DLGAP1: variants seen among roughly 807,000 people sequenced by gnomAD.
The protein encoded by DLGAP1 is DLG associated protein 1, also known as disks large-associated protein 1.
In DLGAP1, 11 loss-of-function variants were observed where a neutral mutation model predicts 90.8. The ratio of observed to expected loss-of-function variants is 0.12; its 90% CI spans 0.08 to 0.20. DLGAP1 has a LOEUF of 0.20. DLGAP1 is among the 10% of genes least tolerant of loss of function. The pLI, the probability that DLGAP1 is intolerant of heterozygous loss-of-function variation, is 1.00. For missense variants in DLGAP1, 1,050 were observed against 1,333.8 expected (o/e 0.79, Z 3.31); for synonymous variants, 558 against 540.7 (o/e 1.03, Z -0.44).
chr18:4,055,213 C>A (rs982905131), intron 2 of DLGAP1, among the ~76,000 whole-genome samples: 1 of 152,166 alleles, frequency 6.6e-6, no homozygotes, highest in Non-Finnish European at 1.5e-5. Context: ...ACATGCATTT[C>A]CAAGTTCACC....
At chr18:3,836,898 A>T (rs2068419157) in intron 4 of DLGAP1, among the ~76,000 whole-genome samples, 1 of 152,186 alleles carries the variant, frequency 6.6e-6, no homozygotes, top group East Asian at 1.9e-4. Flanking sequence ...TAGATTTCTG[A>T]GCACCCTGTG....
At chr18:4,288,588 T>G (rs1172122786) in intron 1 of DLGAP1, among the ~76,000 whole-genome samples, 1 of 152,108 alleles carries the variant, frequency 6.6e-6, no homozygotes, top group Non-Finnish European at 1.5e-5. Flanking sequence ...TTTGCTTGTG[T>G]TTTTGCAATT....
chr18:4,017,695 A>T (rs1329854874), intron 2 of DLGAP1, among the ~76,000 whole-genome samples: 1 of 152,192 alleles, frequency 6.6e-6, no homozygotes, highest in Non-Finnish European at 1.5e-5. Flanking sequence ...CTTAAACTTC[A>T]CTATAAGTAA....
At chr18:3,867,098 C>T (rs964530127) in intron 4 of DLGAP1, among the ~76,000 whole-genome samples, 11 of 152,270 alleles carry the variant, frequency 7.2e-5, no homozygotes, top group African/African-American at 1.9e-4. Context: ...GTGATCCGCC[C>T]GCCTTGGCCT....
intron 5 of DLGAP1, among the ~76,000 whole-genome samples, chr18:3,791,536 G>A (rs1402521018): frequency 1.3e-5 from 2 of 151,962 alleles, no homozygotes; most frequent in Admixed American, 6.6e-5. Context: ...GTGTGTGCAC[G>A]CATGTGTGTG....
chr18:3,712,546 C>T (rs2061630171), intron 7 of DLGAP1, among the ~76,000 whole-genome samples: 1 of 152,144 alleles, frequency 6.6e-6, no homozygotes, highest in South Asian at 2.1e-4. Flanking sequence ...TAATAGGGAC[C>T]CATAGTGTTA....
intron 7 of DLGAP1, among the ~76,000 whole-genome samples, chr18:3,686,817 C>T (rs1338497461): frequency 6.6e-6 from 1 of 152,154 alleles, no homozygotes; most frequent in Non-Finnish European, 1.5e-5. Context: ...GCCCCTCCCC[C>T]AGAGATACAT....
chr18:3,833,583 A>T (rs1419470367), intron 4 of DLGAP1, among the ~76,000 whole-genome samples: 2 of 152,252 alleles, frequency 1.3e-5, no homozygotes, highest in South Asian at 4.1e-4. Context: ...CTTCTGTTAC[A>T]CAGAAACAAA....
In DLGAP1 at chr18:3,711,079, G is replaced by C. The variant is rs1174009940; in HGVS notation, c.1591+18056C>G. 6.6e-6 allele frequency among the ~76,000 whole-genome samples: 1 copy of C among 152,208 alleles called. No homozygotes were observed. Among genetic ancestry groups the C allele is most frequent in the African/African-American group, 2.4e-5 (1 of 41,458 alleles). On this transcript the variant is annotated intron_variant, in intron 7 of 12. Coordinates refer to ENST00000315677, the MANE Select transcript of DLGAP1 (RefSeq NM_004746.4). This position sits in a 1 kb window ranked among gnomAD's most constrained non-coding sequence, Gnocchi z 4.0. ...CAGAAACACGACAGAGGAAGTCAGAGAGCCAGGAGGGGCCGCCCTGGGCAA... is the reference window on the plus strand; with the variant it reads ...CAGAAACACGACAGAGGAAGTCAGACAGCCAGGAGGGGCCGCCCTGGGCAA...
At chr18:4,089,763 T>C (rs888174928) in intron 2 of DLGAP1, among the ~76,000 whole-genome samples, 2 of 152,198 alleles carry the variant, frequency 1.3e-5, no homozygotes, top group African/African-American at 4.8e-5. Flanking sequence ...GACCTCTTCC[T>C]GGCCGGGCAC....
intron 10 of DLGAP1, among the ~76,000 whole-genome samples, chr18:3,525,953 C>A (rs535677958): frequency 6.6e-6 from 1 of 152,300 alleles, no homozygotes; most frequent in East Asian, 1.9e-4. Flanking sequence ...GTCTAATGGC[C>A]TTCTGGCACC....
chr18:4,266,216 G>A (rs2079129043), intron 1 of DLGAP1, among the ~76,000 whole-genome samples: 2 of 151,950 alleles, frequency 1.3e-5, no homozygotes, highest in African/African-American at 4.8e-5. Context: ...TCTTCTTGCA[G>A]GCCCTTTATA....
At chr18:3,881,357 A>G (rs947649716) in intron 3 of DLGAP1, among the ~76,000 whole-genome samples, 15 of 152,172 alleles carry the variant, frequency 9.9e-5, no homozygotes, top group Non-Finnish European at 1.9e-4. Flanking sequence ...TGTTAAAGAT[A>G]GAACTGGAGA....
chr18:3,957,938 G>C (rs1391579295), intron 3 of DLGAP1, among the ~76,000 whole-genome samples: 3 of 150,296 alleles, frequency 2.0e-5, no homozygotes, highest in Admixed American at 2.0e-4. Context: ...TTGTTGCCCA[G>C]GCTGGAGTGC....
chr18:3,976,236 T>G (rs2073576318), intron 3 of DLGAP1, among the ~76,000 whole-genome samples: 1 of 146,680 alleles, frequency 6.8e-6, no homozygotes, highest in Admixed American at 6.8e-5. Context: ...ATTAGCCAGG[T>G]GTGGTGGTGC....
intron 7 of DLGAP1, among the ~76,000 whole-genome samples, chr18:3,648,128 C>T (rs1306663313): frequency 1.3e-5 from 2 of 152,310 alleles, no homozygotes; most frequent in East Asian, 1.9e-4. Flanking sequence ...GCACACATGT[C>T]GGTTAAAGCT....
chr18:4,333,698 C>T (rs1857302398), intron 1 of DLGAP1, among the ~76,000 whole-genome samples: 1 of 149,790 alleles, frequency 6.7e-6, no homozygotes, highest in South Asian at 2.1e-4. Context: ...CGGCTCACTG[C>T]AAACTCCACC....
At chr18:3,930,522 C>T (rs958257220) in intron 3 of DLGAP1, among the ~76,000 whole-genome samples, 2 of 152,100 alleles carry the variant, frequency 1.3e-5, no homozygotes, top group East Asian at 1.9e-4. Flanking sequence ...CGGATCTGAG[C>T]GTGTCCTGCA....
chr18:4,322,104 G>T (rs1032172847), intron 1 of DLGAP1, among the ~76,000 whole-genome samples: 6 of 152,168 alleles, frequency 3.9e-5, no homozygotes, highest in Non-Finnish European at 7.4e-5. Flanking sequence ...GGAGGCTGAG[G>T]CATGAGAATG....
Sources: allele counts gnomAD v4.1 joint callset (sites outside exome capture counted in the v4.1 genomes callset), GRCh38; gene constraint gnomAD v4.1.1; non-coding constraint Gnocchi (gnomAD v3.1); transcripts MANE v1.5; gene names NCBI Gene and HGNC (gene_info 2026-07-23, HGNC 2026-07-21).